MOXD1: variants seen among roughly 807,000 people sequenced by gnomAD.
The protein encoded by MOXD1 is DBH-like monooxygenase protein 1.
Under a neutral mutation model 66.6 loss-of-function variants are expected in MOXD1, and 62 were observed. The ratio of observed to expected loss-of-function variants is 0.93; its 90% CI spans 0.76 to 1.15. MOXD1 has a LOEUF of 1.15. Among genes scored for constraint, MOXD1 ranks in the 50% most tolerant of loss-of-function variants. MOXD1 has a pLI of 0.00. For synonymous variants in MOXD1, 303 were observed against 281.9 expected, an observed-to-expected ratio of 1.07 and a Z score of -0.75; for missense variants, 847 against 754.6, an observed-to-expected ratio of 1.12 and a Z score of -1.44.
intron 10 of MOXD1, among the ~76,000 whole-genome samples, chr6:132,306,257 G>A (rs1232566097): frequency 6.6e-6 from 1 of 151,880 alleles, no homozygotes; most frequent in Non-Finnish European, 1.5e-5. Flanking sequence ...CAGAAGAAAA[G>A]ATATCAGAGT....
At chr6:132,373,020 A>G (rs747558444) in intron 2 of MOXD1, 23 bp from the exon 3 acceptor site, 1 of 1,594,128 alleles carries the variant, frequency 6.3e-7, no homozygotes, top group Non-Finnish European at 8.6e-7. Context: ...CATGGGCATG[A>G]TTAGGTCTCA....
At chr6:132,361,607 G>C (rs901256484) in intron 4 of MOXD1, among the ~76,000 whole-genome samples, 16 of 152,016 alleles carry the variant, frequency 1.1e-4, no homozygotes, top group African/African-American at 3.9e-4. Context: ...TTCAAACAGA[G>C]GGTTTATATC....
At chr6:132,336,633 C>T (rs1775444985) in intron 4 of MOXD1, among the ~76,000 whole-genome samples, 1 of 152,134 alleles carries the variant, frequency 6.6e-6, no homozygotes, top group African/African-American at 2.4e-5. Flanking sequence ...CAAATCCTGA[C>T]TTGCTGATGT....
intron 1 of MOXD1, among the ~76,000 whole-genome samples, chr6:132,398,776 C>T (rs1776954301): frequency 6.6e-6 from 1 of 151,578 alleles, no homozygotes; most frequent in African/African-American, 2.4e-5. Flanking sequence ...CCGGTCCCTA[C>T]TAAAATACAA....
At chr6:132,359,402 C>T (rs1274758897) in intron 4 of MOXD1, among the ~76,000 whole-genome samples, 2 of 151,998 alleles carry the variant, frequency 1.3e-5, no homozygotes, top group Non-Finnish European at 2.9e-5. Flanking sequence ...TAAATGGTTA[C>T]ATGCACATGT....
chr6:132,308,477 T>G (rs937459830), intron 10 of MOXD1, among the ~76,000 whole-genome samples: 2 of 152,068 alleles, frequency 1.3e-5, no homozygotes, highest in African/African-American at 2.4e-5. Context: ...CTGAAACTAT[T>G]CCAAATAATT....
chr6:132,323,880 A>G, intron 7 of MOXD1, 51 bp downstream of exon 7: 1 of 1,490,876 alleles, frequency 6.7e-7, no homozygotes, highest in South Asian at 1.4e-5. Context: ...CACAGTTTCT[A>G]AGAGCATTGA....
chr6:132,392,636 T>G (rs1776791037), intron 1 of MOXD1, among the ~76,000 whole-genome samples: 1 of 152,196 alleles, frequency 6.6e-6, no homozygotes, highest in Non-Finnish European at 1.5e-5. Context: ...AGGAGATGGC[T>G]TCCCACCTCA....
At chr6:132,395,473 A>T (rs964266262) in intron 1 of MOXD1, among the ~76,000 whole-genome samples, 11 of 152,172 alleles carry the variant, frequency 7.2e-5, no homozygotes, top group African/African-American at 2.7e-4. Context: ...GGAACAGAGG[A>T]TACACAAAAC....
At chr6:132,349,488 T>C (rs200866280) in intron 4 of MOXD1, among the ~76,000 whole-genome samples, 14 of 104,290 alleles carry the variant, frequency 1.3e-4, no homozygotes, top group African/African-American at 3.6e-4. Context: ...TATACATATA[T>C]ATATATACCA....
chr6:132,316,770 T>C (rs73779065), intron 9 of MOXD1, among the ~76,000 whole-genome samples: 4,966 of 152,234 alleles, frequency 0.033, 267 homozygotes, highest in African/African-American at 0.11. Flanking sequence ...CATTAAATGT[T>C]CTAGCATTTA....
At chr6:132,315,386 G>A (rs1774921164) in intron 10 of MOXD1, among the ~76,000 whole-genome samples, 1 of 152,100 alleles carries the variant, frequency 6.6e-6, no homozygotes, top group African/African-American at 2.4e-5. Flanking sequence ...CCATATTCAT[G>A]TTTTCCATGA....
intron 4 of MOXD1, among the ~76,000 whole-genome samples, chr6:132,366,304 GA>G (rs1005253128): frequency 1.3e-5 from 2 of 151,904 alleles, no homozygotes; most frequent in African/African-American, 4.8e-5. Flanking sequence ...TAAGTAAGAA[GA>G]AAAAATTCTA....
intron 6 of MOXD1, among the ~76,000 whole-genome samples, chr6:132,327,534 C>A (rs546520550): frequency 1.3e-5 from 2 of 152,292 alleles, no homozygotes; most frequent in South Asian, 2.1e-4. Context: ...CCTTACATTT[C>A]TTTACTTCAA....
At chr6:132,376,160 T>G (rs1776374098) in intron 1 of MOXD1, among the ~76,000 whole-genome samples, 1 of 152,224 alleles carries the variant, frequency 6.6e-6, no homozygotes, top group South Asian at 2.1e-4. Flanking sequence ...GATATTTTAT[T>G]TTTGAGAAGT....
At chr6:132,336,087 C>T (rs1420464164) in intron 4 of MOXD1, among the ~76,000 whole-genome samples, 1 of 152,172 alleles carries the variant, frequency 6.6e-6, no homozygotes, top group Non-Finnish European at 1.5e-5. Context: ...TGGCTCCTTG[C>T]TTGTTAAAAC....
chr6:132,357,302 G>A (rs1235493155), intron 4 of MOXD1, among the ~76,000 whole-genome samples: 1 of 152,056 alleles, frequency 6.6e-6, no homozygotes, highest in African/African-American at 2.4e-5. Flanking sequence ...TATATGAGTG[G>A]AAAATATTAC....
At chr6:132,371,016 G>A (rs971103922) in intron 4 of MOXD1, among the ~76,000 whole-genome samples, 1 of 152,050 alleles carries the variant, frequency 6.6e-6, no homozygotes, top group Non-Finnish European at 1.5e-5. Flanking sequence ...ACAATGGCAA[G>A]AATAAAAATG....
intron 10 of MOXD1, among the ~76,000 whole-genome samples, chr6:132,301,361 G>C (rs1050599804): frequency 2.0e-5 from 3 of 151,994 alleles, no homozygotes; most frequent in Non-Finnish European, 2.9e-5. Context: ...CCATGGTAGA[G>C]TAATTTTTTA....
Sources: allele counts gnomAD v4.1 joint callset (sites outside exome capture counted in the v4.1 genomes callset), GRCh38; gene constraint gnomAD v4.1.1; transcripts MANE v1.5; gene names NCBI Gene and HGNC (gene_info 2026-07-23, HGNC 2026-07-21).